The following STON1 variants were observed in gnomAD, a reference collection of about 807,000 sequenced individuals.
The protein encoded by STON1 is stonin 1.
A neutral mutation model predicts 60.9 loss-of-function variants in STON1; 79 were observed. The observed-to-expected ratio is 1.30, with a 90% CI of 1.08 to 1.56. The LOEUF (loss-of-function observed/expected upper bound fraction) is 1.56, where lower values mean the gene tolerates loss of function less well. STON1 is among the 40% of genes most tolerant of loss of function. The pLI, the probability that STON1 is intolerant of heterozygous loss-of-function variation, is 0.00. For synonymous variants in STON1, 363 were observed against 306.9 expected (o/e 1.18, Z -1.91); for missense variants, 1,166 against 858.9 (o/e 1.36, Z -4.47).
intron 1 of STON1, among the ~76,000 whole-genome samples, chr2:48,578,588 T>C (rs1369238484): frequency 1.1e-4 from 14 of 129,468 alleles, no homozygotes; most frequent in Non-Finnish European, 1.8e-4. Flanking sequence ...TTCCTTTTTT[T>C]TTTTTTTTTT....
Position 48,575,281 on chromosome 2 carries a change from G to C in STON1, c.-47-5306G>C, listed in dbSNP as rs1238052802. Among the ~76,000 whole-genome samples the C allele has an allele frequency of 4.6e-5, 7 of 152,156 alleles. No homozygotes were observed. In the South Asian group the frequency reaches 1.4e-3, roughly 31 times the overall value. ...CCATCCATCAATTAACATTTAGGTT[G>C]TTTCCATCTGTTGACTATTGTAAAT... On this transcript the variant is annotated intron_variant, in intron 1 of 3. Transcript: ENST00000404752.
At chr2:48,530,526 G>C (rs1417247761) in intron 1 of STON1, 2 of 154,478 alleles carry the variant, frequency 1.3e-5, no homozygotes, top group Non-Finnish European at 1.4e-5. Flanking sequence ...ACTCAGTTCC[G>C]AGGGCGGGGG....
chr2:48,536,310 G>T (rs1212741586), intron 1 of STON1, among the ~76,000 whole-genome samples: 4 of 152,234 alleles, frequency 2.6e-5, no homozygotes, highest in African/African-American at 7.2e-5. Context: ...CACTTTGGGA[G>T]GCCAAGGTGG....
At position 48,581,318 on chromosome 2, in the gene STON1, A is replaced by C. The variant is rs763117903; in HGVS notation, c.685A>C (p.Ile229Leu). The C allele has an allele frequency of 1.3e-6, 2 of 1,531,720 alleles. No homozygotes were observed. The highest frequency in any genetic ancestry group is 1.7e-6 in the Non-Finnish European group (2 of 1,143,116). The allele number at this position is 1,531,720 out of a possible 1,614,324, so 94.9% of individuals were successfully genotyped here. A position where few individuals can be genotyped will look rare whatever the true frequency, so the allele number is the denominator to read the frequency against. Reference sequence around the variant, plus strand: ...CCTAAATAAGTGTTCACTCAACTATATCTGTGAGAAGCTTGAACATCTCCA... The same window carrying C: ...CCTAAATAAGTGTTCACTCAACTATCTCTGTGAGAAGCTTGAACATCTCCA... ...KSLNKCSLNY[I>L]CEKLEHLQSA... The change falls in exon 2 of 4, where the codon ATC (isoleucine) becomes CTC (leucine). Residue 229 changes from isoleucine to leucine, a missense_variant. By Grantham distance (5) the Ile-to-Leu change is conservative (BLOSUM62 2). Coordinates refer to ENST00000404752, the MANE Select transcript of STON1 (RefSeq NM_006873.4).
At position 48,580,814 on chromosome 2, in the gene STON1, C is replaced by G; in HGVS notation, c.181C>G (p.Pro61Ala). ...PSGSSSTSST[P>A]LSSPIVDFYF... is the part of the protein sequence containing the mutation. The stretch of plus-strand genomic sequence containing the variant: ...TGGATCTTCCTCCACCAGCAGCACT[C>G]CTCTCTCCTCCCCCATTGTAGATTT... Residue 61 changes from proline (P) to alanine (A), a missense_variant, in exon 2 of 4, where the codon CCT (proline) becomes GCT (alanine). Physicochemically the swap from Pro to Ala is conservative, Grantham distance 27. Transcript: ENST00000404752. The G allele has an allele frequency of 6.5e-7, 1 of 1,549,758 alleles. No individual in the cohort carries two copies. Among genetic ancestry groups the G allele is most frequent in the Non-Finnish European group, 8.7e-7 (1 of 1,150,544 alleles).
At chr2:48,583,763 T>G (rs150948456) in intron 2 of STON1, among the ~76,000 whole-genome samples, 2,487 of 151,210 alleles carry the variant, frequency 0.016, 38 homozygotes, top group South Asian at 0.034. Flanking sequence ...TCTTTTTTTT[T>G]TTTTTTTGAG....
chr2:48,586,315 G>C (rs10495954), intron 2 of STON1, among the ~76,000 whole-genome samples: 1 of 152,110 alleles, frequency 6.6e-6, no homozygotes, highest in Non-Finnish European at 1.5e-5. Flanking sequence ...CTAGGTATAG[G>C]TTCTGTGCTG....
rs546104613 is a variant in STON1 at position 48,549,030 on chromosome 2, T to C, written c.-48+18814T>C. Among the ~76,000 whole-genome samples, 13 of 152,304 alleles carry C rather than the reference T, an allele frequency of 8.5e-5. No homozygotes were observed. In the South Asian group the frequency reaches 2.7e-3, roughly 32 times the overall value. On this transcript the variant is annotated intron_variant, in intron 1 of 3. Coordinates refer to ENST00000404752, the MANE Select transcript of STON1 (RefSeq NM_006873.4). ...TCAATGAGCCCGGAACCCACATTTC[T>C]TGATTTCCCTCACCGCCTCTGTCTT...
At chr2:48,591,992 G>C (rs1451466700) in intron 3 of STON1, 137 bp downstream of exon 3, 1 of 1,189,470 alleles carries the variant, frequency 8.4e-7, no homozygotes, top group Non-Finnish European at 1.1e-6. Flanking sequence ...CTCAGCTATG[G>C]AAACTTGATG....
intron 3 of STON1, among the ~76,000 whole-genome samples, chr2:48,593,190 A>G (rs1357328362): frequency 6.6e-6 from 1 of 151,976 alleles, no homozygotes; most frequent in Non-Finnish European, 1.5e-5. Flanking sequence ...GTCTCGGCTC[A>G]CTGCAACCTC....
intron 1 of STON1, chr2:48,531,058 G>A (rs1558557455): frequency 6.6e-6 from 1 of 152,198 alleles, no homozygotes; most frequent in Non-Finnish European, 1.5e-5. Flanking sequence ...GAAAATAAAC[G>A]GAAGAGAGAG....
chr2:48,549,822 A>G (rs2103784310), intron 1 of STON1, among the ~76,000 whole-genome samples: 1 of 151,460 alleles, frequency 6.6e-6, no homozygotes. Flanking sequence ...AAAAAAAAAA[A>G]AAAAAAAAAA....
At chr2:48,540,544 G>A (rs1206382060) in intron 1 of STON1, among the ~76,000 whole-genome samples, 1 of 152,042 alleles carries the variant, frequency 6.6e-6, no homozygotes, top group Non-Finnish European at 1.5e-5. Context: ...GGCAGAGCAT[G>A]GAAGGGCTGT....
rs72824107 is a variant in STON1 at position 48,563,682 on chromosome 2, G to C, written c.-47-16905G>C. ...ACCCTCCACGTGGCTTTTTTTGTTT[G>C]TTTGTTTGTTTTTGTTGTTGTTGTT... On this transcript the variant is annotated intron_variant, in intron 1 of 3. Transcript: ENST00000404752. Among the ~76,000 whole-genome samples the C allele has an allele frequency of 4.0e-3, 552 of 139,144 alleles. 1 individual carries two copies. The highest frequency in any genetic ancestry group is 0.011 in the South Asian group (46 of 4,076). 91.3% of individuals were successfully genotyped at this position (139,144 alleles called of 152,430 possible). A position where few individuals can be genotyped will look rare whatever the true frequency, so the allele number is the denominator to read the frequency against.
intron 1 of STON1, among the ~76,000 whole-genome samples, chr2:48,549,842 A>T (rs1409296738): frequency 1.3e-4 from 20 of 149,532 alleles, no homozygotes; most frequent in African/African-American, 4.9e-4. Flanking sequence ...AAGAGAAAAG[A>T]AAAAGCAGCC....
At chr2:48,531,019 T>TAATTAGAGATAC (rs1671189425) in intron 1 of STON1, 1 of 152,232 alleles carries the variant, frequency 6.6e-6, no homozygotes, top group African/African-American at 2.4e-5. Context: ...GTAATTAGCG[T>TAATTAGAGATAC]TTCTAATATC....
At chr2:48,562,670 C>T (rs1363629396) in intron 1 of STON1, among the ~76,000 whole-genome samples, 2 of 152,224 alleles carry the variant, frequency 1.3e-5, no homozygotes, top group Non-Finnish European at 2.9e-5. Flanking sequence ...TCTCTGTGCT[C>T]TTCTGCCTTT....
intron 1 of STON1, among the ~76,000 whole-genome samples, chr2:48,532,703 C>A (rs1671262190): frequency 6.6e-6 from 1 of 152,144 alleles, no homozygotes; most frequent in African/African-American, 2.4e-5. Context: ...GTCTGCCCAG[C>A]AGCCCGAGGA....
At chr2:48,558,128 C>G (rs1672459995) in intron 1 of STON1, among the ~76,000 whole-genome samples, 1 of 152,164 alleles carries the variant, frequency 6.6e-6, no homozygotes, top group Admixed American at 6.5e-5. Context: ...CAGGCTGAGG[C>G]AGAAGAATCG....
Sources: allele counts gnomAD v4.1 joint callset (sites outside exome capture counted in the v4.1 genomes callset), GRCh38; gene constraint gnomAD v4.1.1; transcripts MANE v1.5; gene names NCBI Gene and HGNC (gene_info 2026-07-23, HGNC 2026-07-21).